ARHGAP21: variants seen among roughly 807,000 people sequenced by gnomAD.
ARHGAP21 encodes the protein rho GTPase-activating protein 21.
A neutral mutation model predicts 164.6 loss-of-function variants in ARHGAP21; 38 were observed. The ratio of observed to expected loss-of-function variants is 0.23; its 90% CI spans 0.18 to 0.30. ARHGAP21 has a LOEUF of 0.30. Among genes scored for constraint, ARHGAP21 ranks in the 10% least tolerant of loss-of-function variants. The pLI, the probability that ARHGAP21 is intolerant of heterozygous loss-of-function variation, is 1.00. For missense variants in ARHGAP21, 1,822 were observed against 2,370.7 expected, an observed-to-expected ratio of 0.77 and a Z score of 4.81; for synonymous variants, 766 against 857.9, an observed-to-expected ratio of 0.89 and a Z score of 1.87.
intron 9 of ARHGAP21, among the ~76,000 whole-genome samples, chr10:24,613,564 T>C (rs994774424): frequency 2.0e-5 from 3 of 152,214 alleles, no homozygotes; most frequent in Admixed American, 2.0e-4. Context: ...GTCAATGCTG[T>C]ATCTCCCTAT....
At chr10:24,592,107 C>A (rs1592934272) in intron 21 of ARHGAP21, 95 bp from the exon 22 acceptor site, 36 of 1,073,610 alleles carry the variant, frequency 3.4e-5, no homozygotes, top group Middle Eastern at 2.4e-4. Context: ...AAAGAATAAA[C>A]AGAAAAATAG....
At position 24,720,859 on chromosome 10, in the gene ARHGAP21, G is replaced by C. The variant is rs530268193; in HGVS notation, c.63+978C>G. On this transcript the variant is annotated intron_variant, in intron 2 of 25. Coordinates refer to ENST00000396432, the MANE Select transcript of ARHGAP21 (RefSeq NM_020824.4). ...TCCTCAACCCTTCAATGAAAACATAGGCATCTCAAAAGTAAAATTTAAAGG... is the reference window on the plus strand; with the variant it reads ...TCCTCAACCCTTCAATGAAAACATACGCATCTCAAAAGTAAAATTTAAAGG... Among the ~76,000 whole-genome samples the C allele has an allele frequency of 5.9e-5, 9 of 152,130 alleles. No homozygotes were observed. The East Asian group carries it at 1.7e-3, about 29-fold the overall frequency.
intron 7 of ARHGAP21, among the ~76,000 whole-genome samples, chr10:24,623,764 C>G (rs201394010): frequency 6.6e-5 from 10 of 152,174 alleles, no homozygotes; most frequent in East Asian, 1.9e-4. Context: ...TTTGATTTCT[C>G]AAAACCACGA....
intron 4 of ARHGAP21, among the ~76,000 whole-genome samples, chr10:24,653,215 C>CTT (rs142274126): frequency 6.6e-6 from 1 of 152,190 alleles, no homozygotes; most frequent in African/African-American, 2.4e-5. Context: ...CCCTGGTACC[C>CTT]TTTCCCAGTC....
rs184804600 is a variant in ARHGAP21 at position 24,686,358 on chromosome 10, G to C, written c.64-15961C>G. Among the ~76,000 whole-genome samples the C allele has an allele frequency of 2.1e-3, 321 of 152,166 alleles. 7 individuals are homozygous for C. Among genetic ancestry groups the C allele is most frequent in the South Asian group, 6.9e-3 (33 of 4,814 alleles). On this transcript the variant is annotated intron_variant, in intron 2 of 25. Transcript: ENST00000396432. ...GCAGGTGGATCCCTTGAGCCCAAGA[G>C]GTCAAGGCTGCAGTGAGCCGAGATG...
At chr10:24,645,154 G>A (rs774943349) in intron 4 of ARHGAP21, among the ~76,000 whole-genome samples, 7 of 152,286 alleles carry the variant, frequency 4.6e-5, no homozygotes, top group Non-Finnish European at 8.8e-5. Context: ...CTGGGCAAAT[G>A]TAACTTCTAA....
At position 24,675,382 on chromosome 10, in the gene ARHGAP21, G is replaced by GGTCT. The variant is rs750061493; in HGVS notation, c.64-4989_64-4986dup. 2.0e-3 allele frequency among the ~76,000 whole-genome samples: 300 copies of GGTCT among 152,280 alleles called. 2 individuals carry two copies. The highest frequency in any genetic ancestry group is 3.7e-3 in the Non-Finnish European group (252 of 68,012). On this transcript the variant is annotated intron_variant, in intron 2 of 25. Coordinates refer to ENST00000396432, the MANE Select transcript of ARHGAP21 (RefSeq NM_020824.4). ...AAATCCTAGAAAAATTCTAAATACT[G>GGTCT]GTCTATACTGACTGAAAGCAGATTA...
At chr10:24,605,809 G>A (rs1249235432) in intron 11 of ARHGAP21, 1 of 142,390 alleles carries the variant, frequency 7.0e-6, no homozygotes, top group African/African-American at 2.5e-5. Context: ...AATAAAAATA[G>A]CCAGGAGAAT....
intron 23 of ARHGAP21, 29 bp from the exon 24 acceptor site, chr10:24,591,359 T>A: frequency 6.5e-7 from 1 of 1,540,626 alleles, no homozygotes; most frequent in African/African-American, 1.4e-5. Flanking sequence ...GATCTCTTCA[T>A]CATCTCTTCA....
At chr10:24,703,546 C>G (rs1346743535) in intron 2 of ARHGAP21, among the ~76,000 whole-genome samples, 1 of 152,154 alleles carries the variant, frequency 6.6e-6, no homozygotes, top group Non-Finnish European at 1.5e-5. Flanking sequence ...GGGCACTAAA[C>G]TCTGCACTTT....
chr10:24,637,748 A>C (rs1836527859), intron 4 of ARHGAP21, among the ~76,000 whole-genome samples: 1 of 152,222 alleles, frequency 6.6e-6, no homozygotes, highest in South Asian at 2.1e-4. Context: ...GCCACTGACA[A>C]ATCTTTCAAT....
intron 2 of ARHGAP21, among the ~76,000 whole-genome samples, chr10:24,696,264 C>G (rs1319592797): frequency 2.0e-5 from 3 of 152,150 alleles, no homozygotes; most frequent in Admixed American, 2.0e-4. Flanking sequence ...CTCAAGTTCA[C>G]AGCACAGAGT....
At chr10:24,688,779 A>G (rs1030854571) in intron 2 of ARHGAP21, among the ~76,000 whole-genome samples, 2 of 152,164 alleles carry the variant, frequency 1.3e-5, no homozygotes, top group African/African-American at 4.8e-5. Flanking sequence ...CTCCGTCCTA[A>G]AAGAACCCAT....
chr10:24,656,078 T>G (rs1257869539), intron 4 of ARHGAP21, among the ~76,000 whole-genome samples: 12 of 143,924 alleles, frequency 8.3e-5, no homozygotes, highest in African/African-American at 3.2e-4. Context: ...GTCTAAGAAG[T>G]GAGGAGCCTC....
At chr10:24,627,370 A>G (rs927076772) in intron 7 of ARHGAP21, among the ~76,000 whole-genome samples, 2 of 152,220 alleles carry the variant, frequency 1.3e-5, no homozygotes, top group Non-Finnish European at 2.9e-5. Flanking sequence ...GAAGTACATT[A>G]AAGAACATTT....
intron 14 of ARHGAP21, among the ~76,000 whole-genome samples, chr10:24,598,582 TG>T (rs542190882): frequency 3.7e-4 from 56 of 152,276 alleles, no homozygotes; most frequent in Admixed American, 9.1e-4. Flanking sequence ...TGAGTTACCT[TG>T]TATGAAATGC....
chr10:24,687,361 G>A (rs1037670313), intron 2 of ARHGAP21, among the ~76,000 whole-genome samples: 2 of 152,166 alleles, frequency 1.3e-5, no homozygotes, highest in Admixed American at 6.5e-5. Flanking sequence ...AAAAATGAAT[G>A]AAATTTATAC....
chr10:24,600,958 A>C (rs757159809), intron 13 of ARHGAP21, 28 bp from the exon 14 acceptor site: 10 of 1,597,570 alleles, frequency 6.3e-6, no homozygotes, highest in Non-Finnish European at 8.6e-6. Context: ...GTTCTTTAAT[A>C]GTCAATATTT....
intron 4 of ARHGAP21, among the ~76,000 whole-genome samples, chr10:24,636,481 C>T (rs865929770): frequency 6.6e-6 from 1 of 152,152 alleles, no homozygotes; most frequent in Non-Finnish European, 1.5e-5. Flanking sequence ...AAGAATGTAA[C>T]TGAGAAAATA....
Sources: allele counts gnomAD v4.1 joint callset (sites outside exome capture counted in the v4.1 genomes callset), GRCh38; gene constraint gnomAD v4.1.1; transcripts MANE v1.5; gene names NCBI Gene and HGNC (gene_info 2026-07-23, HGNC 2026-07-21).